Variants in TBC1D14 observed in about 807,000 individuals in gnomAD.
TBC1D14 encodes TBC1 domain family, member 14.
In TBC1D14, 26 loss-of-function variants were observed where a neutral mutation model predicts 79.0. The ratio of observed to expected loss-of-function variants is 0.33; its 90% CI spans 0.24 to 0.46. The LOEUF (loss-of-function observed/expected upper bound fraction) is 0.46, where lower values mean the gene tolerates loss of function less well. TBC1D14 is among the 20% of genes least tolerant of loss of function. The probability of loss-of-function intolerance (pLI) is 1.00; values close to 1 mark genes in which losing one functional copy is unlikely to be tolerated. For synonymous variants in TBC1D14, 394 were observed against 349.9 expected (o/e 1.13, Z -1.40); for missense variants, 769 against 887.6 (o/e 0.87, Z 1.70).
rs534075602 is a variant in TBC1D14, at chr4:7,025,242, C to T, written c.1996C>T (p.Arg666Ter). The stretch of plus-strand genomic sequence containing the variant: ...CATCGCCACGATCCAGATGCAGAGC[C>T]GAAACAAGAAGTGGGCTCAGGTCAG... ...ASIATIQMQS[R>*]NKKWAQVLTA... The change falls in exon 13 of 14, where the codon CGA becomes TGA. Residue 666 changes from arginine (R) to a stop codon, truncating the protein, a stop_gained. Coordinates refer to ENST00000409757, the MANE Select transcript of TBC1D14 (RefSeq NM_020773.3). LOFTEE classifies it high-confidence loss of function. 3 of 1,614,226 alleles carry T rather than the reference C, an allele frequency of 1.9e-6. No individual in the cohort carries two copies. Among genetic ancestry groups the T allele is most frequent in the East Asian group, 2.2e-5 (1 of 44,884 alleles).
chr4:7,027,521 C>T (rs1373108615), intron 13 of TBC1D14, among the ~76,000 whole-genome samples: 4 of 149,608 alleles, frequency 2.7e-5, no homozygotes, highest in African/African-American at 9.9e-5. Context: ...ACCCAGTCAC[C>T]CCACACACAC....
At chr4:6,926,216 C>T (rs1360709932) in intron 2 of TBC1D14, among the ~76,000 whole-genome samples, 9 of 152,182 alleles carry the variant, frequency 5.9e-5, no homozygotes, top group Admixed American at 1.3e-4. Flanking sequence ...CCCTTCCTTC[C>T]GTGGCAGTGG....
chr4:7,004,812 A>T, intron 7 of TBC1D14, 32 bp from the exon 8 acceptor site: 1 of 1,609,876 alleles, frequency 6.2e-7, no homozygotes, highest in Non-Finnish European at 8.5e-7. Flanking sequence ...ATACATGTGC[A>T]CGTAATACTT....
At chr4:6,982,070 G>A (rs1418109783) in intron 3 of TBC1D14, among the ~76,000 whole-genome samples, 1 of 152,162 alleles carries the variant, frequency 6.6e-6, no homozygotes, top group Non-Finnish European at 1.5e-5. Flanking sequence ...AAACCAGTTG[G>A]GAGGTTTCTT....
At chr4:6,991,937 G>A (rs180844358) in intron 3 of TBC1D14, among the ~76,000 whole-genome samples, 139 of 152,278 alleles carry the variant, frequency 9.1e-4, no homozygotes, top group Non-Finnish European at 1.5e-3. Flanking sequence ...CCTACTTTTT[G>A]TATCTGTGCT....
At chr4:6,924,525 A>G (rs1724129413) in intron 2 of TBC1D14, among the ~76,000 whole-genome samples, 1 of 152,130 alleles carries the variant, frequency 6.6e-6, no homozygotes, top group Non-Finnish European at 1.5e-5. Context: ...GGCATAGTGC[A>G]GTGCTGGCAT....
intron 3 of TBC1D14, among the ~76,000 whole-genome samples, chr4:6,969,491 C>T (rs776704040): frequency 2.0e-5 from 3 of 152,056 alleles, no homozygotes; most frequent in Admixed American, 6.5e-5. Flanking sequence ...CTGCACGCTC[C>T]GCCTCCCGGA....
At chr4:6,920,704 C>T (rs891934313) in intron 1 of TBC1D14, among the ~76,000 whole-genome samples, 3 of 152,198 alleles carry the variant, frequency 2.0e-5, no homozygotes, top group Non-Finnish European at 4.4e-5. Context: ...CAATATAGAG[C>T]CCAGGAGCGT....
chr4:6,923,605 G>T lies in TBC1D14; in HGVS notation c.216G>T (p.Glu72Asp). The T allele has an allele frequency of 6.2e-7, 1 of 1,614,030 alleles. No homozygotes were observed. Among genetic ancestry groups the T allele is most frequent in the Non-Finnish European group, 8.5e-7 (1 of 1,179,998 alleles). ...TGGACTCGGGGATTCCTACCCTGGA[G>T]ATCGGGAACCCGGAGCCTGTACCCT... Reference protein sequence around the residue: ...QSVDSGIPTLEIGNPEPVPCS... With the variant: ...QSVDSGIPTLDIGNPEPVPCS... The change falls in exon 2 of 14, where the codon GAG becomes GAT. Residue 72 changes from glutamate to aspartate, a missense_variant. By Grantham distance (45) the Glu-to-Asp change is conservative. Around this residue, in one of 2 missense-constraint regions of TBC1D14, gnomAD observed 402 missense variants for 393.2 expected, o/e 1.02. Transcript: ENST00000409757.
At chr4:6,936,724 A>C (rs1712368857) in intron 2 of TBC1D14, among the ~76,000 whole-genome samples, 3 of 152,208 alleles carry the variant, frequency 2.0e-5, no homozygotes, top group African/African-American at 7.2e-5. Context: ...CAAAGGGGCG[A>C]TACCATTTGA....
intron 3 of TBC1D14, among the ~76,000 whole-genome samples, chr4:6,991,957 T>G (rs1299709285): frequency 1.3e-5 from 2 of 152,238 alleles, no homozygotes; most frequent in African/African-American, 4.8e-5. Context: ...TGTTGGCAAC[T>G]TGGCAGGGCT....
intron 6 of TBC1D14, among the ~76,000 whole-genome samples, chr4:7,000,328 G>A (rs1279243519): frequency 6.6e-6 from 1 of 152,108 alleles, no homozygotes; most frequent in Non-Finnish European, 1.5e-5. Context: ...GCCTGGCACT[G>A]TTCTCCGTGC....
intron 1 of TBC1D14, among the ~76,000 whole-genome samples, chr4:6,914,511 G>A (rs780392897): frequency 2.6e-5 from 4 of 152,208 alleles, no homozygotes; most frequent in Non-Finnish European, 5.9e-5. Context: ...GAAACAGTGA[G>A]TGCCTCGGCT....
intron 11 of TBC1D14, among the ~76,000 whole-genome samples, chr4:7,011,773 G>A (rs1720799101): frequency 6.6e-6 from 1 of 151,638 alleles, no homozygotes; most frequent in African/African-American, 2.4e-5. Context: ...GGCCAGGCTG[G>A]TCTTGAACTC....
intron 2 of TBC1D14, among the ~76,000 whole-genome samples, chr4:6,929,516 T>G (rs1410497428): frequency 6.7e-6 from 1 of 150,204 alleles, no homozygotes; most frequent in East Asian, 2.0e-4. Context: ...CGCCTGAGGG[T>G]GGAGGTGGTG....
intron 4 of TBC1D14, among the ~76,000 whole-genome samples, chr4:6,994,618 G>T (rs577123602): frequency 6.6e-6 from 1 of 152,280 alleles, no homozygotes; most frequent in South Asian, 2.1e-4. Flanking sequence ...GGAGGCCGAG[G>T]CGGTGGATCA....
intron 4 of TBC1D14, chr4:6,995,487 C>T (rs1441681139): frequency 6.6e-6 from 1 of 151,524 alleles, no homozygotes; most frequent in Non-Finnish European, 1.5e-5. Context: ...TATTTTCTTC[C>T]TGCTAATCTT....
chr4:7,012,415 G>A (rs1428270672), intron 11 of TBC1D14, among the ~76,000 whole-genome samples: 1 of 152,166 alleles, frequency 6.6e-6, no homozygotes, highest in Non-Finnish European at 1.5e-5. Context: ...GCTGTAAATA[G>A]CATTGGTGTG....
At chr4:7,025,953 A>T (rs1444626091) in intron 13 of TBC1D14, among the ~76,000 whole-genome samples, 1 of 151,966 alleles carries the variant, frequency 6.6e-6, no homozygotes, top group Non-Finnish European at 1.5e-5. Flanking sequence ...TCCTGCATAC[A>T]CTCTGCATTG....
Sources: allele counts gnomAD v4.1 joint callset (sites outside exome capture counted in the v4.1 genomes callset), GRCh38; gene constraint gnomAD v4.1.1; regional missense constraint gnomAD v4.1.1; transcripts MANE v1.5; gene names NCBI Gene and HGNC (gene_info 2026-07-23, HGNC 2026-07-21).